RNGTT: variants seen among roughly 807,000 people sequenced by gnomAD.
RNGTT encodes mRNA-capping enzyme.
A neutral mutation model predicts 79.3 loss-of-function variants in RNGTT; 33 were observed. The ratio of observed to expected loss-of-function variants is 0.42; its 90% CI spans 0.32 to 0.56. RNGTT has a LOEUF of 0.56. Among genes scored for constraint, RNGTT ranks in the 20% least tolerant of loss-of-function variants. The pLI is 0.17. For missense variants in RNGTT, 497 were observed against 739.1 expected, an observed-to-expected ratio of 0.67 and a Z score of 3.80; for synonymous variants, 222 against 235.9, an observed-to-expected ratio of 0.94 and a Z score of 0.54.
At chr6:88,643,562 C>A (rs189796163) in intron 14 of RNGTT, among the ~76,000 whole-genome samples, 2 of 152,190 alleles carry the variant, frequency 1.3e-5, no homozygotes, top group Admixed American at 6.5e-5. Flanking sequence ...CTTCTCATCA[C>A]CACACCACAC....
intron 13 of RNGTT, among the ~76,000 whole-genome samples, chr6:88,729,507 C>T (rs1394505858): frequency 4.0e-5 from 6 of 151,574 alleles, no homozygotes; most frequent in South Asian, 2.1e-4. Context: ...ATTTAAAGCC[C>T]GAAATCAAAT....
chr6:88,636,657 C>T (rs1291667840), intron 14 of RNGTT, among the ~76,000 whole-genome samples: 2 of 150,768 alleles, frequency 1.3e-5, no homozygotes, highest in East Asian at 1.9e-4. Flanking sequence ...AGAAAGGATC[C>T]TGGACATGAT....
rs536181748 is a variant in RNGTT at position 88,668,758 on chromosome 6, C to G, written c.1506+9595G>C. 1.8e-3 allele frequency among the ~76,000 whole-genome samples: 276 copies of G among 151,906 alleles called. 3 individuals are homozygous for G. The highest frequency in any genetic ancestry group is 6.5e-3 in the African/African-American group (270 of 41,450). The stretch of plus-strand genomic sequence containing the variant: ...ATGAAAGATACAAGTAAAGTAATAC[C>G]AGAACAGAAGAAAAAGGAGCTCCCA... On this transcript the variant is annotated intron_variant, in intron 14 of 15. Coordinates refer to ENST00000369485, the MANE Select transcript of RNGTT (RefSeq NM_003800.5).
chr6:88,945,482 C>T (rs573289265), intron 1 of RNGTT, among the ~76,000 whole-genome samples: 3 of 152,148 alleles, frequency 2.0e-5, no homozygotes, highest in Non-Finnish European at 4.4e-5. Flanking sequence ...TTTCAATCAC[C>T]CACCTAACAC....
chr6:88,668,495 C>T (rs1023103641), intron 14 of RNGTT, among the ~76,000 whole-genome samples: 3 of 152,304 alleles, frequency 2.0e-5, no homozygotes, highest in Non-Finnish European at 4.4e-5. Flanking sequence ...ACATGGAGGA[C>T]TGTACCCAGT....
intron 11 of RNGTT, among the ~76,000 whole-genome samples, chr6:88,818,747 C>A (rs1780407837): frequency 6.6e-6 from 1 of 152,106 alleles, no homozygotes; most frequent in African/African-American, 2.4e-5. Flanking sequence ...AAGCCATAAT[C>A]AACAAGAGAA....
At chr6:88,618,711 C>T (rs1772326184) in intron 14 of RNGTT, among the ~76,000 whole-genome samples, 1 of 152,092 alleles carries the variant, frequency 6.6e-6, no homozygotes, top group African/African-American at 2.4e-5. Flanking sequence ...TGATTGCATA[C>T]CACACTTTTA....
intron 13 of RNGTT, among the ~76,000 whole-genome samples, chr6:88,701,858 G>C (rs150790739): frequency 6.6e-6 from 1 of 151,978 alleles, no homozygotes; most frequent in Non-Finnish European, 1.5e-5. Context: ...TTGGGCTTCA[G>C]TGAAGTTTCA....
chr6:88,638,952 G>T (rs1773206251), intron 14 of RNGTT, among the ~76,000 whole-genome samples: 1 of 152,052 alleles, frequency 6.6e-6, no homozygotes, highest in African/African-American at 2.4e-5. Flanking sequence ...CAGCCAAACT[G>T]AATTATACGA....
intron 13 of RNGTT, among the ~76,000 whole-genome samples, chr6:88,698,622 T>C (rs1334442390): frequency 6.6e-6 from 1 of 152,008 alleles, no homozygotes; most frequent in Non-Finnish European, 1.5e-5. Context: ...TCTTTTGATA[T>C]CAGCTCTAAA....
intron 2 of RNGTT, among the ~76,000 whole-genome samples, chr6:88,931,964 C>G (rs994926257): frequency 2.0e-5 from 3 of 151,994 alleles, no homozygotes; most frequent in African/African-American, 4.8e-5. Flanking sequence ...AAAAAAAGAA[C>G]AGGATAACAG....
In RNGTT at chr6:88,801,418, T is replaced by C. The variant is rs1779779052; in HGVS notation, c.1338+146A>G. On this transcript the variant is annotated intron_variant, in intron 12 of 15. Coordinates refer to ENST00000369485, the MANE Select transcript of RNGTT (RefSeq NM_003800.5). ...AATCTTTCATAATGAGCAATTTGTT[T>C]TAAGGAAAAGTGGCAATCACAGCAG... The C allele has an allele frequency of 1.2e-5, 6 of 499,542 alleles. No homozygotes were observed. The South Asian group carries it at 3.0e-4, about 25-fold the overall frequency. 30.9% of individuals were successfully genotyped at this position (499,542 alleles called of 1,614,324 possible).
intron 5 of RNGTT, among the ~76,000 whole-genome samples, chr6:88,905,530 T>C (rs982210418): frequency 1.3e-5 from 2 of 152,226 alleles, no homozygotes; most frequent in Admixed American, 1.3e-4. Flanking sequence ...AAAAAGGACC[T>C]ACTATGTGAA....
chr6:88,852,177 C>T (rs940121592), intron 9 of RNGTT, among the ~76,000 whole-genome samples: 17 of 152,046 alleles, frequency 1.1e-4, no homozygotes, highest in Non-Finnish European at 2.2e-4. Flanking sequence ...TCCATCATTA[C>T]CATTCATTCT....
At chr6:88,700,076 C>T (rs1017070282) in intron 13 of RNGTT, among the ~76,000 whole-genome samples, 1 of 152,122 alleles carries the variant, frequency 6.6e-6, no homozygotes, top group African/African-American at 2.4e-5. Flanking sequence ...GAATAGTAGG[C>T]TGTCATGACA....
chr6:88,681,427 T>C (rs1169628300), intron 13 of RNGTT, among the ~76,000 whole-genome samples: 1 of 152,172 alleles, frequency 6.6e-6, no homozygotes, highest in Non-Finnish European at 1.5e-5. Context: ...TCTTATTCAT[T>C]ATCCCTTACC....
At chr6:88,874,484 T>A (rs1782454801) in intron 8 of RNGTT, among the ~76,000 whole-genome samples, 1 of 152,296 alleles carries the variant, frequency 6.6e-6, no homozygotes, top group African/African-American at 2.4e-5. Flanking sequence ...GTATAAAGCA[T>A]GCATTCTAGA....
At chr6:88,880,176 CTGAATGAATGAATGAATGAATGAA>C (rs57548721) in intron 8 of RNGTT, among the ~76,000 whole-genome samples, 5 of 149,466 alleles carry the variant, frequency 3.3e-5, no homozygotes, top group African/African-American at 9.9e-5. Context: ...AATATAATTT[CTGAATGAATGAATGAATGAATGAA>C]TGAATGAATG....
chr6:88,719,138 T>C (rs554292034), intron 13 of RNGTT, among the ~76,000 whole-genome samples: 1 of 152,272 alleles, frequency 6.6e-6, no homozygotes, highest in South Asian at 2.1e-4. Flanking sequence ...GCAAATTCAA[T>C]AGCCTTAGAG....
Sources: gnomAD v4.1 joint callset for allele counts (sites outside exome capture counted in the v4.1 genomes callset) on GRCh38, gnomAD v4.1.1 for gene constraint, MANE v1.5 for transcripts, NCBI Gene and HGNC (gene_info 2026-07-23, HGNC 2026-07-21) for gene names.